The following EIF4EBP2 variants were observed in gnomAD, a reference collection of about 807,000 sequenced individuals.
EIF4EBP2 encodes the protein eukaryotic translation initiation factor 4E-binding protein 2.
EIF4EBP2 carries 5 observed loss-of-function variants against 10.3 expected under a neutral mutation model. That is an observed-to-expected ratio of 0.48 (90% CI 0.25 to 1.02). The LOEUF (loss-of-function observed/expected upper bound fraction) is 1.02, where lower values mean the gene tolerates loss of function less well. Among genes scored for constraint, EIF4EBP2 ranks in the 50% least tolerant of loss-of-function variants. EIF4EBP2 has a pLI of 0.15. For synonymous variants in EIF4EBP2, 67 were observed against 61.1 expected, an observed-to-expected ratio of 1.10 and a Z score of -0.45; for missense variants, 188 against 162.2, an observed-to-expected ratio of 1.16 and a Z score of -0.86.
intron 1 of EIF4EBP2, among the ~76,000 whole-genome samples, chr10:70,407,730 A>ACCCCCCCCCC (rs750558076): frequency 9.7e-6 from 1 of 103,580 alleles, no homozygotes; most frequent in African/African-American, 4.5e-5. Flanking sequence ...CGGGGGGCTG[A>ACCCCCCCCCC]CCCCCCCCCC....
In EIF4EBP2 at chr10:70,420,065, C is replaced by T; in HGVS notation, c.297C>T (p.Asn99=). 6.2e-7 allele frequency: 1 copy of T among 1,610,202 alleles called. No individual in the cohort carries two copies. The highest frequency in any genetic ancestry group is 8.5e-7 in the Non-Finnish European group (1 of 1,178,766). The part of the protein sequence containing the change: ...EDSKVEVNNL[N]NLNNHDRKHA... ...CCAAAGTAGAAGTAAACAATTTGAA[C>T]AACTTGAACAATCACGACAGGAAAC... The change falls in exon 2 of 3, where the codon AAC becomes AAT. Residue 99 remains asparagine (N), a synonymous_variant. Transcript: ENST00000373218.
In EIF4EBP2 at chr10:70,404,227, C is replaced by CGGCGGCGGCGGCTGAGAG. The variant is rs923484844; in HGVS notation, c.-163_-146dup. Among the ~76,000 whole-genome samples the CGGCGGCGGCGGCTGAGAG allele has an allele frequency of 1.3e-5, 2 of 152,148 alleles. No individual in the cohort carries two copies. The highest frequency in any genetic ancestry group is 2.9e-5 in the Non-Finnish European group (2 of 67,996). The stretch of plus-strand genomic sequence containing the variant: ...CTGAGGCCGGAGGATCGAGCGGCGG[C>CGGCGGCGGCGGCTGAGAG]GGCGGCGGCGGCTGAGAGGGCGGCG... On this transcript the variant is annotated 5_prime_UTR_variant, in exon 1 of 3. Transcript: ENST00000373218.
At chr10:70,405,235 C>T (rs1418092506) in intron 1 of EIF4EBP2, among the ~76,000 whole-genome samples, 1 of 152,188 alleles carries the variant, frequency 6.6e-6, no homozygotes, top group Non-Finnish European at 1.5e-5. Context: ...TGTCTTTCGG[C>T]AGCGACGCCT....
In EIF4EBP2 at chr10:70,424,166, T is replaced by C. The variant is rs1184259832; in HGVS notation, c.*2419T>C. 1 of 152,200 alleles carries C rather than the reference T, an allele frequency of 6.6e-6. No individual in the cohort carries two copies. The highest frequency in any genetic ancestry group is 1.5e-5 in the Non-Finnish European group (1 of 68,038). 9.4% of individuals were successfully genotyped at this position (152,200 alleles called of 1,614,324 possible). ...TCCTCACTGAACGGTGAGGAATGGA[T>C]TTAAAGCATGAGCTTTAGTAGTATC... On this transcript the variant is annotated 3_prime_UTR_variant, in exon 3 of 3. Coordinates refer to ENST00000373218, the MANE Select transcript of EIF4EBP2 (RefSeq NM_004096.5).
chr10:70,420,718 G>A (rs1845147727), intron 2 of EIF4EBP2, among the ~76,000 whole-genome samples: 1 of 152,188 alleles, frequency 6.6e-6, no homozygotes, highest in Admixed American at 6.5e-5. Context: ...TTGGACTAAG[G>A]ATAACACACA....
intron 1 of EIF4EBP2, among the ~76,000 whole-genome samples, chr10:70,417,137 TATAC>T (rs1845106015): frequency 1.3e-5 from 2 of 152,218 alleles, no homozygotes; most frequent in African/African-American, 4.8e-5. Context: ...AGGTGCGATA[TATAC>T]ATACAATGAA....
chr10:70,425,521 G>T lies in EIF4EBP2; in HGVS notation c.*3774G>T, dbSNP rs555277939. 1.4e-4 allele frequency: 22 copies of T among 152,358 alleles called. No homozygotes were observed. Among genetic ancestry groups the T allele is most frequent in the African/African-American group, 4.1e-4 (17 of 41,580 alleles). 9.4% of individuals were successfully genotyped at this position (152,358 alleles called of 1,614,324 possible). A position where few individuals can be genotyped will look rare whatever the true frequency, so the allele number is the denominator to read the frequency against. On this transcript the variant is annotated 3_prime_UTR_variant, in exon 3 of 3. Transcript: ENST00000373218. ...ATTGCTATCAAAAACAGTTCTCCAAGATGTGCATAGCCAAACTGGGATAGA... is the reference window on the plus strand; with the variant it reads ...ATTGCTATCAAAAACAGTTCTCCAATATGTGCATAGCCAAACTGGGATAGA...
intron 1 of EIF4EBP2, among the ~76,000 whole-genome samples, chr10:70,409,283 CA>C (rs528366589): frequency 2.0e-5 from 3 of 147,818 alleles, no homozygotes; most frequent in African/African-American, 2.5e-5. Context: ...AATTCCAGGC[CA>C]AAAAAAAAGC....
intron 1 of EIF4EBP2, among the ~76,000 whole-genome samples, chr10:70,416,665 ATTTT>A (rs55809354): frequency 7.4e-4 from 75 of 101,316 alleles, no homozygotes; most frequent in African/African-American, 2.4e-3. Flanking sequence ...TAATTTTTTA[ATTTT>A]TTTTTTTTTT....
chr10:70,415,926 T>G (rs1845090174), intron 1 of EIF4EBP2, among the ~76,000 whole-genome samples: 1 of 150,928 alleles, frequency 6.6e-6, no homozygotes, highest in African/African-American at 2.4e-5. Flanking sequence ...CTTTTGTGCT[T>G]CGAAGATCAT....
Position 70,424,581 on chromosome 10 carries a change from G to A in EIF4EBP2, c.*2834G>A, listed in dbSNP as rs915220225. On this transcript the variant is annotated 3_prime_UTR_variant, in exon 3 of 3. Transcript: ENST00000373218. Reference sequence around the variant, plus strand: ...AGATGAAACCCTTAATGAATAATGTGTCCGGGGTTTTTTAGAGAGAAGGAG... The same window carrying A: ...AGATGAAACCCTTAATGAATAATGTATCCGGGGTTTTTTAGAGAGAAGGAG... 6 of 152,234 alleles carry A rather than the reference G, an allele frequency of 3.9e-5. No individual in the cohort carries two copies. The highest frequency in any genetic ancestry group is 1.4e-4 in the African/African-American group (6 of 41,468). 9.4% of individuals were successfully genotyped at this position (152,234 alleles called of 1,614,324 possible).
At chr10:70,417,390 G>T (rs991089809) in intron 1 of EIF4EBP2, among the ~76,000 whole-genome samples, 1 of 151,994 alleles carries the variant, frequency 6.6e-6, no homozygotes, top group Non-Finnish European at 1.5e-5. Flanking sequence ...GGTTATGGGG[G>T]TAATGAAAGG....
chr10:70,415,301 C>A (rs1470759130), intron 1 of EIF4EBP2, among the ~76,000 whole-genome samples: 1 of 152,088 alleles, frequency 6.6e-6, no homozygotes, highest in African/African-American at 2.4e-5. Flanking sequence ...TTAAAGAAGA[C>A]CCAAATAAGT....
intron 1 of EIF4EBP2, among the ~76,000 whole-genome samples, chr10:70,407,324 G>C (rs1195818611): frequency 1.3e-5 from 2 of 152,020 alleles, no homozygotes; most frequent in Non-Finnish European, 2.9e-5. Flanking sequence ...CTCTTAACGA[G>C]CACGCTGCCT....
At chr10:70,416,848 TAA>T (rs767675797) in intron 1 of EIF4EBP2, among the ~76,000 whole-genome samples, 6 of 151,774 alleles carry the variant, frequency 4.0e-5, no homozygotes, top group Non-Finnish European at 7.4e-5. Flanking sequence ...TATTTTTTTT[TAA>T]GAGACGGGAT....
chr10:70,417,538 TTAA>T (rs1845110664), intron 1 of EIF4EBP2, among the ~76,000 whole-genome samples: 1 of 152,228 alleles, frequency 6.6e-6, no homozygotes, highest in Non-Finnish European at 1.5e-5. Context: ...TATCAGCTCT[TTAA>T]GGTCATAGAG....
intron 1 of EIF4EBP2, among the ~76,000 whole-genome samples, chr10:70,414,783 AC>A (rs1168685439): frequency 6.6e-6 from 1 of 152,184 alleles, no homozygotes; most frequent in East Asian, 1.9e-4. Flanking sequence ...CAGAAGAATC[AC>A]TTGAACCCAG....
chr10:70,424,585 G>A lies in EIF4EBP2; in HGVS notation c.*2838G>A, dbSNP rs371428103. On this transcript the variant is annotated 3_prime_UTR_variant, in exon 3 of 3. Transcript: ENST00000373218. Reference sequence around the variant, plus strand: ...GAAACCCTTAATGAATAATGTGTCCGGGGTTTTTTAGAGAGAAGGAGCACT... The same window carrying A: ...GAAACCCTTAATGAATAATGTGTCCAGGGTTTTTTAGAGAGAAGGAGCACT... The A allele has an allele frequency of 7.9e-5, 12 of 152,332 alleles. No homozygotes were observed. The highest frequency in any genetic ancestry group is 2.9e-4 in the African/African-American group (12 of 41,582). 9.4% of individuals were successfully genotyped at this position (152,332 alleles called of 1,614,324 possible). A position where few individuals can be genotyped will look rare whatever the true frequency, so the allele number is the denominator to read the frequency against.
rs934805356 is a variant in EIF4EBP2, at chr10:70,423,605, C to G, written c.*1858C>G. ...AAATCAGATCCCAGGGTGAGAGTAA[C>G]AGGCCATTTGGCCAAGAAAGAAACC... On this transcript the variant is annotated 3_prime_UTR_variant, in exon 3 of 3. Coordinates refer to ENST00000373218, the MANE Select transcript of EIF4EBP2 (RefSeq NM_004096.5). 6.6e-6 allele frequency: 1 copy of G among 152,306 alleles called. No homozygotes were observed. The highest frequency in any genetic ancestry group is 2.4e-5 in the African/African-American group (1 of 41,448). 9.4% of individuals were successfully genotyped at this position (152,306 alleles called of 1,614,324 possible).
Sources: gnomAD v4.1 joint callset for allele counts (sites outside exome capture counted in the v4.1 genomes callset) on GRCh38, gnomAD v4.1.1 for gene constraint, MANE v1.5 for transcripts, NCBI Gene and HGNC (gene_info 2026-07-23, HGNC 2026-07-21) for gene names.